MTRF1L: variants seen among roughly 807,000 people sequenced by gnomAD.
MTRF1L encodes mitochondrial translation release factor 1 like.
A neutral mutation model predicts 40.0 loss-of-function variants in MTRF1L; 29 were observed. That is an observed-to-expected ratio of 0.73 (90% CI 0.54 to 0.99). The LOEUF (loss-of-function observed/expected upper bound fraction) is 0.99. Ranked by LOEUF, MTRF1L falls within the 50% of genes least tolerant of loss-of-function variation. The pLI, the probability that MTRF1L is intolerant of heterozygous loss-of-function variation, is 0.00. For synonymous variants in MTRF1L, 150 were observed against 175.8 expected, an observed-to-expected ratio of 0.85 and a Z score of 1.16; for missense variants, 412 against 464.5, an observed-to-expected ratio of 0.89 and a Z score of 1.04.
At chr6:153,001,409 G>A (rs559389803) in intron 1 of MTRF1L, among the ~76,000 whole-genome samples, 1 of 152,106 alleles carries the variant, frequency 6.6e-6, no homozygotes, top group East Asian at 1.9e-4. Flanking sequence ...TGTATATCTC[G>A]AGAGCTCTCA....
intron 6 of MTRF1L, 87 bp downstream of exon 6, chr6:152,991,098 T>G (rs1423732852): frequency 1.1e-6 from 1 of 904,528 alleles, no homozygotes; most frequent in Non-Finnish European, 1.6e-6. Flanking sequence ...TTAAAACAAA[T>G]ATATAAAAAC....
intron 2 of MTRF1L, among the ~76,000 whole-genome samples, chr6:152,997,687 G>A (rs951877578): frequency 1.1e-4 from 17 of 152,108 alleles, no homozygotes; most frequent in African/African-American, 3.6e-4. Context: ...TTACTATGAG[G>A]GTTTTGAGAA....
intron 2 of MTRF1L, among the ~76,000 whole-genome samples, chr6:152,995,856 G>A (rs1343758067): frequency 6.6e-6 from 1 of 152,160 alleles, no homozygotes; most frequent in East Asian, 1.9e-4. Flanking sequence ...AGGAAACAGA[G>A]CTTAACAGAG....
At chr6:152,998,948 A>C (rs1778813704) in intron 1 of MTRF1L, among the ~76,000 whole-genome samples, 1 of 152,300 alleles carries the variant, frequency 6.6e-6, no homozygotes, top group African/African-American at 2.4e-5. Flanking sequence ...CACCTTAATA[A>C]ATATGCTTTT....
At chr6:152,996,852 C>G (rs930294765) in intron 2 of MTRF1L, among the ~76,000 whole-genome samples, 11 of 152,118 alleles carry the variant, frequency 7.2e-5, no homozygotes, top group Non-Finnish European at 1.5e-4. Context: ...CCCTGAGGAG[C>G]TCACAGTCTA....
chr6:153,002,489 G>A lies in MTRF1L; in HGVS notation c.197C>T (p.Ala66Val), dbSNP rs150895723. 8 of 1,613,520 alleles carry A rather than the reference G, an allele frequency of 5.0e-6. No homozygotes were observed. Among genetic ancestry groups the A allele is most frequent in the Non-Finnish European group, 6.8e-6 (8 of 1,179,826 alleles). ...HLKVRRPELL[A>V]VIKLLNEKER... The stretch of plus-strand genomic sequence containing the variant: ...CTTCTCGTTCAGCAGTTTGATCACC[G>A]CCAGCAACTCGGGCCTCCTGACCTT... Residue 66 changes from alanine (A) to valine (V), a missense_variant, in exon 1 of 7, where the codon GCG becomes GTG. Coordinates refer to ENST00000367233, the MANE Select transcript of MTRF1L (RefSeq NM_019041.7).
chr6:152,993,401 CAT>C (rs34614676), intron 4 of MTRF1L, among the ~76,000 whole-genome samples: 19,692 of 152,078 alleles, frequency 0.13, 1,382 homozygotes, highest in South Asian at 0.3. Flanking sequence ...TTATTTCAAA[CAT>C]ATTTGGAGGC....
intron 1 of MTRF1L, among the ~76,000 whole-genome samples, chr6:152,999,708 A>C (rs1398442617): frequency 1.3e-5 from 2 of 152,170 alleles, no homozygotes; most frequent in African/African-American, 4.8e-5. Context: ...TGCACAAGTT[A>C]TCTCTCTTGT....
At chr6:152,992,236 A>T (rs545714281) in intron 5 of MTRF1L, among the ~76,000 whole-genome samples, 2 of 152,226 alleles carry the variant, frequency 1.3e-5, no homozygotes, top group Non-Finnish European at 2.9e-5. Flanking sequence ...GAGATTTGCT[A>T]TCCCTATGCT....
chr6:152,994,441 T>A, intron 4 of MTRF1L, 72 bp downstream of exon 4: 1 of 1,422,380 alleles, frequency 7.0e-7, no homozygotes, highest in South Asian at 1.5e-5. Flanking sequence ...TTCAGTAAAC[T>A]CTGAATGTTA....
rs199889955 is a variant in MTRF1L at position 152,995,122 on chromosome 6, A to C, written c.523+14T>G. ...TAAACACTTTACCTGAAACAAAATG[A>C]ATAGTTTACTGACCTAGTTCACTTG... On this transcript the variant is annotated intron_variant, in intron 3 of 6. Coordinates refer to ENST00000367233, the MANE Select transcript of MTRF1L (RefSeq NM_019041.7). The C allele has an allele frequency of 7.5e-5, 119 of 1,586,546 alleles. No individual in the cohort carries two copies. The East Asian group carries it at 2.5e-3, about 34-fold the overall frequency.
intron 1 of MTRF1L, among the ~76,000 whole-genome samples, chr6:153,000,181 G>GC (rs766713670): frequency 3.4e-4 from 51 of 152,146 alleles, no homozygotes; most frequent in Non-Finnish European, 6.6e-4. Flanking sequence ...GTTCTGAGCT[G>GC]GATAATCTCT....
At chr6:152,994,306 T>C (rs1207430687) in intron 4 of MTRF1L, among the ~76,000 whole-genome samples, 2 of 152,212 alleles carry the variant, frequency 1.3e-5, no homozygotes, top group Admixed American at 6.5e-5. Context: ...AAAATACTAA[T>C]ACACAGACAA....
intron 5 of MTRF1L, 68 bp downstream of exon 5, chr6:152,992,789 G>A: frequency 2.6e-6 from 3 of 1,171,050 alleles, no homozygotes; most frequent in Non-Finnish European, 3.8e-6. Flanking sequence ...CTATTTCAGT[G>A]GAAAATTAGT....
Position 152,989,983 on chromosome 6 carries a change from C to G in MTRF1L, c.1055G>C (p.Gly352Ala), listed in dbSNP as rs568513948. Residue 352 changes from glycine (G) to alanine (A), a missense_variant, in exon 7 of 7, where the codon GGA becomes GCA. Coordinates refer to ENST00000367233, the MANE Select transcript of MTRF1L (RefSeq NM_019041.7). The part of the protein sequence containing the change: ...TLHDLETFMQ[G>A]DYLLDELVQS... ...TACAAGTTCATCCAGTAGATAATCT[C>G]CTTGCATAAAAGTTTCAAGATCATG... 6.2e-7 allele frequency: 1 copy of G among 1,613,680 alleles called. No individual in the cohort carries two copies. Among genetic ancestry groups the G allele is most frequent in the East Asian group, 2.2e-5 (1 of 44,846 alleles).
intron 2 of MTRF1L, 132 bp from the exon 3 acceptor site, chr6:152,995,451 G>T: frequency 1.4e-6 from 1 of 721,446 alleles, no homozygotes; most frequent in Non-Finnish European, 2.2e-6. Context: ...GCTGAGTACT[G>T]TTCAACCACC....
Position 152,990,102 on chromosome 6 carries a change from A to G in MTRF1L, c.943-7T>C, listed in dbSNP as rs1399620701. On this transcript the variant is annotated splice_region_variant and splice_polypyrimidine_tract_variant and intron_variant, in intron 6 of 6. Transcript: ENST00000367233. Reference sequence around the variant, plus strand: ...ATCTTCCTTTACTTCCAATCTGTATATAGAGAAAAAGATGAGATGCAGCTA... The same window carrying G: ...ATCTTCCTTTACTTCCAATCTGTATGTAGAGAAAAAGATGAGATGCAGCTA... The G allele has an allele frequency of 4.3e-6, 7 of 1,610,866 alleles. No individual in the cohort carries two copies. In the Admixed American group the frequency reaches 1.0e-4, roughly 23 times the overall value.
chr6:152,991,427 G>C lies in MTRF1L; in HGVS notation c.806-106C>G. The C allele has an allele frequency of 3.2e-6, 4 of 1,266,064 alleles. No homozygotes were observed. The South Asian group carries it at 6.4e-5, about 20-fold the overall frequency. The allele number at this position is 1,266,064 out of a possible 1,614,324, so 78.4% of individuals were successfully genotyped here. ...TCCTTTTTCTTCTTCCTTTATGAGG[G>C]GAAAAAACAGAGGACTCTAATAAAA... On this transcript the variant is annotated intron_variant, in intron 5 of 6. Coordinates refer to ENST00000367233, the MANE Select transcript of MTRF1L (RefSeq NM_019041.7).
At chr6:152,993,207 A>G (rs1389162892) in intron 4 of MTRF1L, among the ~76,000 whole-genome samples, 1 of 152,186 alleles carries the variant, frequency 6.6e-6, no homozygotes, top group Non-Finnish European at 1.5e-5. Flanking sequence ...AATCCTTTCT[A>G]GTCCTCAAAA....
Sources: allele counts gnomAD v4.1 joint callset (sites outside exome capture counted in the v4.1 genomes callset), GRCh38; gene constraint gnomAD v4.1.1; transcripts MANE v1.5; gene names NCBI Gene and HGNC (gene_info 2026-07-23, HGNC 2026-07-21).